Variants in PIGK observed in about 807,000 individuals in gnomAD.
PIGK encodes the protein phosphatidylinositol glycan anchor biosynthesis class K, also known as GPI-anchor transamidase.
In PIGK, 42 loss-of-function variants were observed where a neutral mutation model predicts 50.6. The observed-to-expected ratio is 0.83, with a 90% confidence interval of 0.65 to 1.07. The LOEUF is 1.07. PIGK is among the 50% of genes least tolerant of loss of function. PIGK has a pLI of 0.00. For synonymous variants in PIGK, 151 were observed against 156.0 expected (o/e 0.97, Z 0.24); for missense variants, 448 against 488.7 (o/e 0.92, Z 0.78).
intron 3 of PIGK, among the ~76,000 whole-genome samples, chr1:77,183,369 C>G (rs1655665618): frequency 6.6e-6 from 1 of 152,188 alleles, no homozygotes; most frequent in Non-Finnish European, 1.5e-5. Flanking sequence ...GGAGATAAAT[C>G]CTATGCTGCC....
chr1:77,153,367 A>C (rs1654935046), intron 9 of PIGK, among the ~76,000 whole-genome samples: 1 of 151,928 alleles, frequency 6.6e-6, no homozygotes, highest in Non-Finnish European at 1.5e-5. Flanking sequence ...TTGGGAGGAG[A>C]ATGAAGAGAA....
chr1:77,113,036 A>G (rs1284907254), intron 10 of PIGK, among the ~76,000 whole-genome samples: 3 of 152,158 alleles, frequency 2.0e-5, no homozygotes, highest in African/African-American at 4.8e-5. Flanking sequence ...TATTTGGCAT[A>G]GTTATAAAAT....
At chr1:77,094,530 T>C (rs1334864935) in intron 10 of PIGK, among the ~76,000 whole-genome samples, 1 of 152,118 alleles carries the variant, frequency 6.6e-6, no homozygotes, top group Non-Finnish European at 1.5e-5. Flanking sequence ...TCTACATTCA[T>C]CAGAGATTAT....
At chr1:77,162,818 C>A (rs1655158468) in intron 6 of PIGK, among the ~76,000 whole-genome samples, 2 of 152,082 alleles carry the variant, frequency 1.3e-5, no homozygotes, top group Non-Finnish European at 1.5e-5. Flanking sequence ...TGTGGAGGCT[C>A]CTATGCATTA....
Position 77,192,941 on chromosome 1 carries a change from C to A in PIGK, c.239+13699G>T, listed in dbSNP as rs181528287. On this transcript the variant is annotated intron_variant, in intron 3 of 10. Transcript: ENST00000370812. Reference sequence around the variant, plus strand: ...TTAATATAGGTTTTACTTTCTAAAACCATATCTGAATTTCATGATTGGAAG... The same window carrying A: ...TTAATATAGGTTTTACTTTCTAAAAACATATCTGAATTTCATGATTGGAAG... Among the ~76,000 whole-genome samples the A allele has an allele frequency of 1.2e-3, 178 of 152,114 alleles. 1 individual carries two copies. Among genetic ancestry groups the A allele is most frequent in the Non-Finnish European group, 3.8e-4 (26 of 67,986 alleles).
intron 10 of PIGK, among the ~76,000 whole-genome samples, chr1:77,103,666 G>A (rs542119421): frequency 5.9e-4 from 90 of 152,308 alleles, no homozygotes; most frequent in African/African-American, 1.8e-3. Flanking sequence ...AACACAGCCT[G>A]GCAGTCTTCC....
In PIGK at chr1:77,166,779, T is replaced by C; in HGVS notation, c.427A>G (p.Thr143Ala). The C allele has an allele frequency of 6.2e-7, 1 of 1,603,582 alleles. No homozygotes were observed. The highest frequency in any genetic ancestry group is 1.1e-5 in the South Asian group (1 of 89,184). Residue 143 changes from threonine to alanine, a missense_variant, in exon 5 of 11, where the codon ACT becomes GCT. By Grantham distance (58) the Thr-to-Ala change is moderately conservative. Transcript: ENST00000370812. ...GAAAGAAGACGTTTTGACCGAGGAG[T>C]ACTAGGTGGGATCCTCCCAGTTAAT... ...RVLTGRIPPS[T>A]PRSKRLLSDD...
rs776278360 is a variant in PIGK at position 77,092,336 on chromosome 1, T to C, written c.*38A>G. The C allele has an allele frequency of 1.2e-6, 1 of 824,070 alleles. No individual in the cohort carries two copies. Among genetic ancestry groups the C allele is most frequent in the South Asian group, 1.6e-5 (1 of 61,100 alleles). The allele number at this position is 824,070 out of a possible 1,614,324, so 51.0% of individuals were successfully genotyped here. A position where few individuals can be genotyped will look rare whatever the true frequency, so the allele number is the denominator to read the frequency against. Reference sequence around the variant, plus strand: ...ATAATGACATAAATTATTATCCAAGTTTGCAGTCCTCCATGCATTCTTCAT... The same window carrying C: ...ATAATGACATAAATTATTATCCAAGCTTGCAGTCCTCCATGCATTCTTCAT... On this transcript the variant is annotated 3_prime_UTR_variant, in exon 11 of 11. Transcript: ENST00000370812.
intron 3 of PIGK, among the ~76,000 whole-genome samples, chr1:77,190,883 G>T (rs1382640176): frequency 6.6e-6 from 1 of 152,054 alleles, no homozygotes; most frequent in Non-Finnish European, 1.5e-5. Context: ...AATCTTCACT[G>T]CTTCACCTCT....
chr1:77,104,761 G>A lies in PIGK; in HGVS notation c.1072-12271C>T, dbSNP rs80150047. Among the ~76,000 whole-genome samples, 645 of 152,324 alleles carry A rather than the reference G, an allele frequency of 4.2e-3. 5 individuals carry two copies. Among genetic ancestry groups the A allele is most frequent in the African/African-American group, 0.015 (623 of 41,574 alleles). On this transcript the variant is annotated intron_variant, in intron 10 of 10. Transcript: ENST00000370812. ...TGTGGGAGGGAGCATGTGAGCAAGC[G>A]AGTGTGGGATCTGACTGGCCGTTCC...
At chr1:77,177,571 T>C (rs556885508) in intron 3 of PIGK, among the ~76,000 whole-genome samples, 6 of 152,322 alleles carry the variant, frequency 3.9e-5, no homozygotes, top group African/African-American at 1.4e-4. Flanking sequence ...TGCTTATCAC[T>C]CCTTGCTCTC....
intron 3 of PIGK, among the ~76,000 whole-genome samples, chr1:77,204,844 CATTT>C (rs1443493543): frequency 1.3e-5 from 2 of 152,104 alleles, no homozygotes; most frequent in African/African-American, 4.8e-5. Context: ...CCAAATCATA[CATTT>C]ATTTATTTAC....
At chr1:77,100,770 C>G (rs1041107723) in intron 10 of PIGK, among the ~76,000 whole-genome samples, 1 of 152,176 alleles carries the variant, frequency 6.6e-6, no homozygotes, top group African/African-American at 2.4e-5. Context: ...AAGATGCTCT[C>G]CTGTTGGCCT....
chr1:77,122,859 T>G (rs1011906798), intron 9 of PIGK, among the ~76,000 whole-genome samples: 5 of 152,196 alleles, frequency 3.3e-5, no homozygotes, highest in Admixed American at 3.3e-4. Flanking sequence ...AATTCTCTTC[T>G]TTATTTATTC....
At chr1:77,196,658 G>A (rs1656045497) in intron 3 of PIGK, among the ~76,000 whole-genome samples, 1 of 151,928 alleles carries the variant, frequency 6.6e-6, no homozygotes, top group Non-Finnish European at 1.5e-5. Context: ...AGTTTTTAAT[G>A]GGGTTATTTG....
intron 9 of PIGK, chr1:77,153,801 T>C (rs1212987968): frequency 2.0e-5 from 3 of 152,168 alleles, no homozygotes; most frequent in Non-Finnish European, 2.9e-5. Context: ...CCCTATAGTA[T>C]GAGTTTCTAA....
At chr1:77,205,820 C>T (rs913905305) in intron 3 of PIGK, among the ~76,000 whole-genome samples, 1 of 152,118 alleles carries the variant, frequency 6.6e-6, no homozygotes, top group Non-Finnish European at 1.5e-5. Context: ...AAGACATGCT[C>T]TGAGTGAAGG....
chr1:77,146,215 A>G (rs1654763761), intron 9 of PIGK, among the ~76,000 whole-genome samples: 1 of 152,202 alleles, frequency 6.6e-6, no homozygotes, highest in African/African-American at 2.4e-5. Context: ...AGACCTACAC[A>G]TAAAAGCTAA....
At position 77,089,135 on chromosome 1, in the gene PIGK, T is replaced by A. The variant is rs1005798211; in HGVS notation, c.*3239A>T. 100 of 151,934 alleles carry A rather than the reference T, an allele frequency of 6.6e-4. No homozygotes were observed. Among genetic ancestry groups the A allele is most frequent in the African/African-American group, 2.3e-3 (95 of 41,442 alleles). The allele number at this position is 151,934 out of a possible 1,614,324, so 9.4% of individuals were successfully genotyped here. ...CAGTTTTTACACTAAGAAAAAAAAA[T>A]AAAAATAAAAGCCTGGTTACCACCA... On this transcript the variant is annotated 3_prime_UTR_variant, in exon 11 of 11. Transcript: ENST00000370812.
Sources: allele counts gnomAD v4.1 joint callset (sites outside exome capture counted in the v4.1 genomes callset), GRCh38; gene constraint gnomAD v4.1.1; transcripts MANE v1.5; gene names NCBI Gene and HGNC (gene_info 2026-07-23, HGNC 2026-07-21).